The following NALCN variants were observed in gnomAD, a reference collection of about 807,000 sequenced individuals.
The protein encoded by NALCN is sodium leak channel, non-selective.
Under a neutral mutation model 225.3 loss-of-function variants are expected in NALCN, and 111 were observed. That is an observed-to-expected ratio of 0.49 (90% CI 0.42 to 0.58). The LOEUF (loss-of-function observed/expected upper bound fraction) is 0.58. Among genes scored for constraint, NALCN ranks in the 20% least tolerant of loss-of-function variants. The probability of loss-of-function intolerance (pLI) is 0.00; values close to 1 mark genes in which losing one functional copy is unlikely to be tolerated. For synonymous variants in NALCN, 764 were observed against 769.0 expected, an observed-to-expected ratio of 0.99 and a Z score of 0.11; for missense variants, 1,378 against 2,202.4, an observed-to-expected ratio of 0.63 and a Z score of 7.49.
chr13:101,060,275 G>GT lies in NALCN; in HGVS notation c.4756-309dup, dbSNP rs771531599. ...TTTCTTTTTGTTGTTGGTGTTTTCT[G>GT]TTTTTTTTTTTTTTTTTTTAGATAG... On this transcript the variant is annotated intron_variant, in intron 41 of 43. Coordinates refer to ENST00000251127, the MANE Select transcript of NALCN (RefSeq NM_052867.4). 4.9e-3 allele frequency among the ~76,000 whole-genome samples: 391 copies of GT among 79,816 alleles called. 15 individuals carry two copies. The highest frequency in any genetic ancestry group is 0.01 in the Admixed American group (71 of 7,062). 52.4% of individuals were successfully genotyped at this position (79,816 alleles called of 152,430 possible). A position where few individuals can be genotyped will look rare whatever the true frequency, so the allele number is the denominator to read the frequency against.
intron 6 of NALCN, among the ~76,000 whole-genome samples, chr13:101,356,000 A>G (rs1025757813): frequency 4.6e-5 from 7 of 152,322 alleles, no homozygotes; most frequent in East Asian, 1.9e-4. Flanking sequence ...TTTGAAACCA[A>G]TGAGAACAAA....
intron 10 of NALCN, among the ~76,000 whole-genome samples, chr13:101,260,841 T>C (rs2042400942): frequency 6.6e-6 from 1 of 152,196 alleles, no homozygotes; most frequent in African/African-American, 2.4e-5. Context: ...ACTTTGTTAA[T>C]TGTATCTTTT....
intron 6 of NALCN, among the ~76,000 whole-genome samples, chr13:101,346,579 G>C (rs1187290882): frequency 6.6e-6 from 1 of 152,160 alleles, no homozygotes. Context: ...AGGAAAGAGA[G>C]ATTATGAGGT....
chr13:101,302,236 A>G (rs1486223692), intron 7 of NALCN, among the ~76,000 whole-genome samples: 1 of 152,210 alleles, frequency 6.6e-6, no homozygotes, highest in South Asian at 2.1e-4. Context: ...ATATTCAATA[A>G]AAATGAAAAT....
chr13:101,316,725 A>G (rs2044565557), intron 7 of NALCN, among the ~76,000 whole-genome samples: 1 of 152,172 alleles, frequency 6.6e-6, no homozygotes, highest in Admixed American at 6.6e-5. Flanking sequence ...GGAGAAAATT[A>G]ATGTTCAGTT....
chr13:101,279,852 T>TA (rs1566524409), intron 10 of NALCN, among the ~76,000 whole-genome samples: 1 of 148,240 alleles, frequency 6.7e-6, no homozygotes, highest in African/African-American at 2.5e-5. Context: ...AATAAATAAA[T>TA]AAATAAATAA....
At chr13:101,293,254 C>A (rs2043616598) in intron 7 of NALCN, among the ~76,000 whole-genome samples, 1 of 152,116 alleles carries the variant, frequency 6.6e-6, no homozygotes, top group Non-Finnish European at 1.5e-5. Context: ...TTAGTTTCTC[C>A]ATCTGTAAAA....
rs73554880 is a variant in NALCN at position 101,082,688 on chromosome 13, A to G, written c.3765+121T>C. ...GAACCGCTTAAGTAGGAAATATCCT[A>G]AGGGCAAACTTCAAAGGCAATGGAA... On this transcript the variant is annotated intron_variant, in intron 33 of 43. Coordinates refer to ENST00000251127, the MANE Select transcript of NALCN (RefSeq NM_052867.4). The G allele has an allele frequency of 1.8e-3, 1,746 of 995,074 alleles. 27 individuals carry two copies. In the African/African-American group the frequency reaches 0.024, roughly 14 times the overall value. The allele number at this position is 995,074 out of a possible 1,614,324, so 61.6% of individuals were successfully genotyped here.
At chr13:101,217,701 CAT>C (rs1228054863) in intron 13 of NALCN, among the ~76,000 whole-genome samples, 6 of 152,090 alleles carry the variant, frequency 3.9e-5, no homozygotes, top group African/African-American at 1.2e-4. Flanking sequence ...CAGTAAGACC[CAT>C]GTGTAATGTC....
At chr13:101,100,062 T>C (rs2034722257) in intron 27 of NALCN, among the ~76,000 whole-genome samples, 4 of 152,256 alleles carry the variant, frequency 2.6e-5, no homozygotes, top group Admixed American at 2.6e-4. Context: ...AGTGCAAGTA[T>C]TCAAGTTTGG....
Position 101,326,095 on chromosome 13 carries a change from A to C in NALCN, c.799+19171T>G, listed in dbSNP as rs114817356. 1.7e-3 allele frequency among the ~76,000 whole-genome samples: 253 copies of C among 152,320 alleles called. 1 individual carries two copies. Among genetic ancestry groups the C allele is most frequent in the African/African-American group, 5.5e-3 (227 of 41,558 alleles). ...ACCTGTTTGACAATTTACTTCTTGA[A>C]ATCTAGCACTATGTTTTAAGCTAGA... On this transcript the variant is annotated intron_variant, in intron 7 of 43. Coordinates refer to ENST00000251127, the MANE Select transcript of NALCN (RefSeq NM_052867.4).
chr13:101,293,139 C>A (rs1170017242), intron 7 of NALCN, among the ~76,000 whole-genome samples: 2 of 152,090 alleles, frequency 1.3e-5, no homozygotes, highest in African/African-American at 4.8e-5. Flanking sequence ...TCTGAGGATG[C>A]AAAGATAATA....
chr13:101,317,115 G>A (rs1043334711), intron 7 of NALCN, among the ~76,000 whole-genome samples: 21 of 151,998 alleles, frequency 1.4e-4, no homozygotes, highest in Admixed American at 2.6e-4. Flanking sequence ...TTTTGTTTTC[G>A]AGGGATTAAA....
intron 26 of NALCN, among the ~76,000 whole-genome samples, 197 bp downstream of exon 26, chr13:101,102,975 T>G (rs2034904001): frequency 5.3e-5 from 8 of 152,158 alleles, no homozygotes; most frequent in Admixed American, 5.2e-4. Context: ...TTAGGTGAAT[T>G]AAATAAACTC....
chr13:101,062,714 C>T (rs1283474128), intron 40 of NALCN, among the ~76,000 whole-genome samples: 1 of 152,202 alleles, frequency 6.6e-6, no homozygotes, highest in Non-Finnish European at 1.5e-5. Flanking sequence ...AGCATTTCTT[C>T]TGCCTCAGCC....
chr13:101,326,330 G>T (rs915621368), intron 7 of NALCN, among the ~76,000 whole-genome samples: 4 of 152,136 alleles, frequency 2.6e-5, no homozygotes, highest in Non-Finnish European at 5.9e-5. Context: ...ATAAATATTT[G>T]CTGAATGAAT....
At chr13:101,213,213 A>C (rs2040594567) in intron 13 of NALCN, among the ~76,000 whole-genome samples, 1 of 152,162 alleles carries the variant, frequency 6.6e-6, no homozygotes, top group Admixed American at 6.5e-5. Context: ...TCCCTATTTA[A>C]TAAATGGTGC....
chr13:101,085,403 T>C (rs1292742502), intron 30 of NALCN, among the ~76,000 whole-genome samples: 1 of 152,084 alleles, frequency 6.6e-6, no homozygotes, highest in Non-Finnish European at 1.5e-5. Flanking sequence ...GGAGGGGAAC[T>C]AGAATAGGGA....
At position 101,081,844 on chromosome 13, in the gene NALCN, G is replaced by A. The variant is rs905920329; in HGVS notation, c.3766-198C>T. Among the ~76,000 whole-genome samples, 19 of 152,002 alleles carry A rather than the reference G, an allele frequency of 1.2e-4. 1 individual carries two copies. The highest frequency in any genetic ancestry group is 7.9e-4 in the Admixed American group (12 of 15,254). On this transcript the variant is annotated intron_variant, in intron 33 of 43. Coordinates refer to ENST00000251127, the MANE Select transcript of NALCN (RefSeq NM_052867.4). ...CCTTTGAGGTTTCCTTTTAGGCCAC[G>A]TGCCTACACTATCTATCTGTCTGTC...
Sources: gnomAD v4.1 joint callset for allele counts (sites outside exome capture counted in the v4.1 genomes callset) on GRCh38, gnomAD v4.1.1 for gene constraint, MANE v1.5 for transcripts, NCBI Gene and HGNC (gene_info 2026-07-23, HGNC 2026-07-21) for gene names.